The following MSRB1 variants were observed in gnomAD, a reference collection of about 807,000 sequenced individuals.
MSRB1 encodes the protein methionine sulfoxide reductase B1, also known as methionine-R-sulfoxide reductase B1.
A neutral mutation model predicts 15.2 loss-of-function variants in MSRB1; 13 were observed. That is an observed-to-expected ratio of 0.86 (90% CI 0.56 to 1.36). MSRB1 has a LOEUF of 1.36. Among genes scored for constraint, MSRB1 ranks in the 40% most tolerant of loss-of-function variants. The pLI is 0.00. For synonymous variants in MSRB1, 68 were observed against 64.5 expected, an observed-to-expected ratio of 1.05 and a Z score of -0.26; for missense variants, 174 against 155.9, an observed-to-expected ratio of 1.12 and a Z score of -0.62.
At chr16:1,942,975 T>TGA (rs2083089242) in intron 1 of MSRB1, 127 bp downstream of exon 1, 1 of 1,328,190 alleles carries the variant, frequency 7.5e-7, no homozygotes, top group Non-Finnish European at 1.0e-6. Context: ...TGTTCGCTTC[T>TGA]CCCCGGCAGC....
At chr16:1,942,604 G>T (rs987649270) in intron 1 of MSRB1, among the ~76,000 whole-genome samples, 4 of 152,260 alleles carry the variant, frequency 2.6e-5, no homozygotes, top group African/African-American at 9.6e-5. Context: ...GACATTCTAT[G>T]CTTGCCAGAC....
rs2083056594 is a variant in MSRB1, at chr16:1,938,915, T to C, written c.*197A>G. On this transcript the variant is annotated 3_prime_UTR_variant, in exon 4 of 4. Transcript: ENST00000361871. ...CCCAGGCCTGTCCCAGCAGAAGGCATGAACCATCAGCAAATGAGTCTCTTT... is the reference window on the plus strand; with the variant it reads ...CCCAGGCCTGTCCCAGCAGAAGGCACGAACCATCAGCAAATGAGTCTCTTT... 4.0e-6 allele frequency: 3 copies of C among 752,600 alleles called. No individual in the cohort carries two copies. In the East Asian group the frequency reaches 8.2e-5, roughly 21 times the overall value. 46.6% of individuals were successfully genotyped at this position (752,600 alleles called of 1,614,324 possible).
chr16:1,940,600 C>G (rs1013505952), intron 3 of MSRB1, among the ~76,000 whole-genome samples, 178 bp downstream of exon 3: 1 of 152,266 alleles, frequency 6.6e-6, no homozygotes, highest in African/African-American at 2.4e-5. Context: ...AGCGGAACAC[C>G]AGCTCCTTTG....
intron 3 of MSRB1, 67 bp from the exon 4 acceptor site, chr16:1,939,210 C>T (rs1335233556): frequency 1.0e-5 from 16 of 1,536,992 alleles, no homozygotes; most frequent in East Asian, 2.3e-5. Context: ...GAAAGCCGGG[C>T]GCGGGGGCGG....
intron 3 of MSRB1, among the ~76,000 whole-genome samples, chr16:1,939,644 C>A (rs1433537218): frequency 6.6e-6 from 1 of 151,968 alleles, no homozygotes; most frequent in African/African-American, 2.4e-5. Context: ...ATAGTGAGAC[C>A]CCCATCTCTA....
intron 1 of MSRB1, 146 bp from the exon 2 acceptor site, chr16:1,941,551 G>A (rs1423087307): frequency 1.7e-6 from 2 of 1,154,330 alleles, no homozygotes; most frequent in Non-Finnish European, 2.4e-6. Context: ...CGCCACGGGA[G>A]GCGCTGTGCT....
intron 1 of MSRB1, 40 bp downstream of exon 1, chr16:1,943,062 C>A (rs761413198): frequency 1.9e-6 from 3 of 1,548,692 alleles, no homozygotes; most frequent in African/African-American, 1.4e-5. Flanking sequence ...TGCGCGCCCC[C>A]CGCCGCGCTG....
At chr16:1,941,533 C>T in intron 1 of MSRB1, 128 bp from the exon 2 acceptor site, 1 of 1,308,936 alleles carries the variant, frequency 7.6e-7, no homozygotes, top group African/African-American at 1.5e-5. Flanking sequence ...GCTCCTTCCC[C>T]AGGCACCCGC....
intron 2 of MSRB1, 153 bp downstream of exon 2, chr16:1,941,104 C>G (rs542509796): frequency 6.4e-7 from 1 of 1,551,448 alleles, no homozygotes; most frequent in Admixed American, 2.0e-5. Context: ...CTCCCGATAG[C>G]CTGGGGTGGC....
intron 1 of MSRB1, 30 bp downstream of exon 1, chr16:1,943,072 G>GCC: frequency 6.5e-7 from 1 of 1,550,242 alleles, no homozygotes; most frequent in Non-Finnish European, 8.7e-7. Flanking sequence ...CCGCCGCGCT[G>GCC]CCCTCCCAGC....
chr16:1,940,916 G>A, intron 2 of MSRB1, 24 bp from the exon 3 acceptor site: 2 of 1,613,914 alleles, frequency 1.2e-6, no homozygotes, highest in East Asian at 2.2e-5. Context: ...AAGGCAGCTG[G>A]GTGAGCTTCT....
At position 1,943,188 on chromosome 16, in the gene MSRB1, T is replaced by C; in HGVS notation, c.-32A>G. ...ACCGGAACCGCAGCGCGCTTGCCGC[T>C]GCCAACTGACCAAAGGCTGCCGACC... On this transcript the variant is annotated 5_prime_UTR_variant, in exon 1 of 4. Transcript: ENST00000361871. 5 of 1,550,764 alleles carry C rather than the reference T, an allele frequency of 3.2e-6. No individual in the cohort carries two copies. The highest frequency in any genetic ancestry group is 4.4e-6 in the Non-Finnish European group (5 of 1,147,492).
chr16:1,939,704 G>A (rs1345250486), intron 3 of MSRB1, among the ~76,000 whole-genome samples: 5 of 152,076 alleles, frequency 3.3e-5, no homozygotes, highest in East Asian at 3.8e-4. Flanking sequence ...CTATAATCCC[G>A]GCACTTTGGG....
chr16:1,943,165 C>G lies in MSRB1; in HGVS notation c.-9G>C. ...AAGCTGCAGAACGACATGGCGCCAC[C>G]GGAACCGCAGCGCGCTTGCCGCTGC... On this transcript the variant is annotated 5_prime_UTR_variant, in exon 1 of 4. Transcript: ENST00000361871. 6.4e-7 allele frequency: 1 copy of G among 1,557,386 alleles called. No individual in the cohort carries two copies. The highest frequency in any genetic ancestry group is 2.4e-5 in the East Asian group (1 of 41,360).
At chr16:1,941,573 T>C (rs2083077873) in intron 1 of MSRB1, 168 bp from the exon 2 acceptor site, 1 of 877,484 alleles carries the variant, frequency 1.1e-6, no homozygotes, top group East Asian at 2.7e-5. Context: ...AGCTCACGTT[T>C]AGTAGATGTG....
In MSRB1 at chr16:1,943,136, G is replaced by T. The variant is rs867552356; in HGVS notation, c.21C>A (p.Phe7Leu). Residue 7 changes from phenylalanine (F) to leucine (L), a missense_variant, in exon 1 of 4, where the codon TTC (phenylalanine) becomes TTA (leucine). By Grantham distance (22) the Phe-to-Leu change is conservative (BLOSUM62 0). Coordinates refer to ENST00000361871, the MANE Select transcript of MSRB1 (RefSeq NM_016332.4). MSFCSF[F>L]GGEVFQNHFE... ...AGTGATTCTGGAAAACCTCGCCCCC[G>T]AAGAAGCTGCAGAACGACATGGCGC... 3 of 1,562,794 alleles carry T rather than the reference G, an allele frequency of 1.9e-6. No individual in the cohort carries two copies. The South Asian group carries it at 3.5e-5, about 18-fold the overall frequency.
intron 3 of MSRB1, among the ~76,000 whole-genome samples, chr16:1,940,513 G>C (rs1188373516): frequency 1.3e-5 from 2 of 152,242 alleles, no homozygotes; most frequent in African/African-American, 2.4e-5. Context: ...GAAAGGCCAG[G>C]CCTCTGAGGA....
intron 1 of MSRB1, 179 bp from the exon 2 acceptor site, chr16:1,941,584 C>A (rs1328307556): frequency 2.6e-6 from 2 of 774,636 alleles, no homozygotes; most frequent in Non-Finnish European, 4.0e-6. Flanking sequence ...AGTAGATGTG[C>A]CAGAGACCAG....
intron 1 of MSRB1, among the ~76,000 whole-genome samples, chr16:1,942,695 G>A (rs1056965694): frequency 6.6e-6 from 1 of 152,258 alleles, no homozygotes; most frequent in Non-Finnish European, 1.5e-5. Context: ...GGGCGCCCCG[G>A]CCACAGGAGC....
Sources: gnomAD v4.1 joint callset for allele counts (sites outside exome capture counted in the v4.1 genomes callset) on GRCh38, gnomAD v4.1.1 for gene constraint, MANE v1.5 for transcripts, NCBI Gene and HGNC (gene_info 2026-07-23, HGNC 2026-07-21) for gene names.